Variants in SNAI1 observed in about 807,000 individuals in gnomAD.
SNAI1 encodes the protein zinc finger protein SNAI1.
In SNAI1, 15 loss-of-function variants were observed where a neutral mutation model predicts 24.7. The observed-to-expected ratio is 0.61, with a 90% CI of 0.41 to 0.93. The LOEUF (loss-of-function observed/expected upper bound fraction) is 0.93, where lower values mean the gene tolerates loss of function less well. Ranked by LOEUF, SNAI1 falls within the 40% of genes least tolerant of loss-of-function variation. SNAI1 has a pLI of 0.00. For synonymous variants in SNAI1, 163 were observed against 142.9 expected, an observed-to-expected ratio of 1.14 and a Z score of -1.00; for missense variants, 283 against 336.7, an observed-to-expected ratio of 0.84 and a Z score of 1.25.
In SNAI1 at chr20:49,984,049, C is replaced by A. The variant is rs969500219; in HGVS notation, c.308C>A (p.Pro103His). The change falls in exon 2 of 3, where the codon CCC becomes CAC. Residue 103 changes from proline to histidine, a missense_variant. Transcript: ENST00000244050. ...DEDSGKGSQP[P>H]SPPSPAPSSF... Reference sequence around the variant, plus strand: ...GACAGTGGGAAAGGCTCCCAGCCCCCCAGCCCACCCTCACCGGCTCCTTCG... The same window carrying A: ...GACAGTGGGAAAGGCTCCCAGCCCCACAGCCCACCCTCACCGGCTCCTTCG... 1 of 1,613,900 alleles carries A rather than the reference C, an allele frequency of 6.2e-7. No homozygotes were observed. Among genetic ancestry groups the A allele is most frequent in the Admixed American group, 1.7e-5 (1 of 59,986 alleles).
intron 1 of SNAI1, among the ~76,000 whole-genome samples, chr20:49,983,549 G>C (rs1937019711): frequency 6.6e-6 from 1 of 151,672 alleles, no homozygotes; most frequent in Non-Finnish European, 1.5e-5. Context: ...TCCGGGGCTG[G>C]GATGATGGGG....
rs4647958 is a variant in SNAI1 at position 49,984,094 on chromosome 20, T to G, written c.353T>G (p.Val118Gly). The G allele has an allele frequency of 6.2e-7, 1 of 1,614,074 alleles. No homozygotes were observed. The highest frequency in any genetic ancestry group is 1.1e-5 in the South Asian group (1 of 91,086). The change falls in exon 2 of 3, where the codon GTC (valine) becomes GGC (glycine). Residue 118 changes from valine (V) to glycine (G), a missense_variant. By Grantham distance (109) the Val-to-Gly change is moderately radical (BLOSUM62 -3). Transcript: ENST00000244050. The stretch of plus-strand genomic sequence containing the variant: ...CCTTCGTCCTTCTCCTCTACTTCAG[T>G]CTCTTCCTTGGAGGCCGAGGCCTAT... ...PAPSSFSSTS[V>G]SSLEAEAYAA...
chr20:49,983,888 C>G lies in SNAI1; in HGVS notation c.147C>G (p.Ile49Met), dbSNP rs772242378. The change falls in exon 2 of 3, where the codon ATC becomes ATG. Residue 49 changes from isoleucine (I) to methionine (M), a missense_variant. Transcript: ENST00000244050. The part of the protein sequence containing the change: ...HLLAAIPPPE[I>M]LNPTASLPML... ...TGGCAGCCATCCCACCTCCGGAGAT[C>G]CTCAACCCCACCGCCTCGCTGCCAA... 1.2e-6 allele frequency: 2 copies of G among 1,613,032 alleles called. No individual in the cohort carries two copies.
chr20:49,987,263 T>C (rs2078336794), intron 2 of SNAI1, among the ~76,000 whole-genome samples: 1 of 151,972 alleles, frequency 6.6e-6, no homozygotes, highest in South Asian at 2.1e-4. Context: ...CCTAACCAGC[T>C]TGGAGGTGGG....
chr20:49,984,284 C>T lies in SNAI1; in HGVS notation c.543C>T (p.Val181=), dbSNP rs766857877. The T allele has an allele frequency of 6.2e-7, 1 of 1,613,772 alleles. No homozygotes were observed. Among genetic ancestry groups the T allele is most frequent in the South Asian group, 1.1e-5 (1 of 91,028 alleles). The change falls in exon 2 of 3, where the codon GTC becomes GTT. Residue 181 remains valine, a synonymous_variant. Transcript: ENST00000244050. ...TCCGAAGCCACACGCTGCCCTGCGT[C>T]TGCGGAACCTGCGGGAAGGCCTTCT... ...MHIRSHTLPC[V]CGTCGKAFSR...
In SNAI1 at chr20:49,982,986, C is replaced by T. The variant is rs1421200079; in HGVS notation, c.-74C>T. 6.5e-5 allele frequency: 63 copies of T among 972,048 alleles called. No homozygotes were observed. Among genetic ancestry groups the T allele is most frequent in the African/African-American group, 8.4e-5 (5 of 59,806 alleles). 60.2% of individuals were successfully genotyped at this position (972,048 alleles called of 1,614,324 possible). On this transcript the variant is annotated 5_prime_UTR_variant, in exon 1 of 3. Transcript: ENST00000244050. The stretch of plus-strand genomic sequence containing the variant: ...TGGCGGCGCTGCTGCATTCATTGCG[C>T]CGCGGCACGGCCTAGCGAGTGGTTC...
intron 2 of SNAI1, among the ~76,000 whole-genome samples, chr20:49,986,847 CATT>C (rs1363578742): frequency 6.7e-6 from 1 of 149,704 alleles, no homozygotes; most frequent in African/African-American, 2.5e-5. Flanking sequence ...AACAAATCAA[CATT>C]ATTGGTGTTT....
At chr20:49,985,736 G>A (rs2078331897) in intron 2 of SNAI1, among the ~76,000 whole-genome samples, 1 of 152,340 alleles carries the variant, frequency 6.6e-6, no homozygotes, top group Middle Eastern at 3.4e-3. Context: ...GCGGTGCCCA[G>A]CACCTGTTCC....
At position 49,987,993 on chromosome 20, in the gene SNAI1, C is replaced by T; in HGVS notation, c.732C>T (p.Thr244=). Residue 244 remains threonine (T), a synonymous_variant, in exon 3 of 3, where the codon ACC becomes ACT. Coordinates refer to ENST00000244050, the MANE Select transcript of SNAI1 (RefSeq NM_005985.4). ...KKYQCQACAR[T]FSRMSLLHKH... ...ACCAGTGCCAGGCGTGTGCTCGGAC[C>T]TTCTCCCGAATGTCCCTGCTCCACA... 6.2e-7 allele frequency: 1 copy of T among 1,613,874 alleles called. No individual in the cohort carries two copies. Among genetic ancestry groups the T allele is most frequent in the South Asian group, 1.1e-5 (1 of 91,068 alleles).
intron 2 of SNAI1, among the ~76,000 whole-genome samples, chr20:49,984,873 C>T (rs1470176813): frequency 2.6e-5 from 4 of 152,348 alleles, no homozygotes; most frequent in African/African-American, 7.2e-5. Flanking sequence ...ATGGGAAGCA[C>T]CTGGCAAAGT....
At position 49,988,720 on chromosome 20, in the gene SNAI1, A is replaced by C. The variant is rs2078342610; in HGVS notation, c.*664A>C. ...CTCTGGTCTGACCGATGTGTCTCCCAGAACTATTCTGGGGGCCCGACAGGT... is the reference window on the plus strand; with the variant it reads ...CTCTGGTCTGACCGATGTGTCTCCCCGAACTATTCTGGGGGCCCGACAGGT... On this transcript the variant is annotated 3_prime_UTR_variant, in exon 3 of 3. Coordinates refer to ENST00000244050, the MANE Select transcript of SNAI1 (RefSeq NM_005985.4). The C allele has an allele frequency of 6.6e-6, 1 of 152,634 alleles. No homozygotes were observed. The highest frequency in any genetic ancestry group is 2.4e-5 in the African/African-American group (1 of 41,462). The allele number at this position is 152,634 out of a possible 1,614,324, so 9.5% of individuals were successfully genotyped here.
chr20:49,983,467 G>C (rs2078323254), intron 1 of SNAI1, among the ~76,000 whole-genome samples: 1 of 149,086 alleles, frequency 6.7e-6, no homozygotes, highest in Non-Finnish European at 1.5e-5. Flanking sequence ...AGAGTCCGGA[G>C]TCCAGAGGGT....
rs369249893 is a variant in SNAI1, at chr20:49,983,131, C to T, written c.72C>T (p.Asp24=). Residue 24 remains aspartate, a synonymous_variant, in exon 1 of 3, where the codon GAC becomes GAT. Transcript: ENST00000244050. ...AGCCTAACTACAGCGAGCTGCAGGA[C>T]TCTAATCCAGGTGCGTTGGAGGGGT... is the stretch of plus-strand genomic sequence containing the variant. ...NRKPNYSELQ[D]SNPEFTFQQP... 7.4e-6 allele frequency: 12 copies of T among 1,613,238 alleles called. No individual in the cohort carries two copies. Among genetic ancestry groups the T allele is most frequent in the Non-Finnish European group, 1.0e-5 (12 of 1,179,552 alleles).
chr20:49,983,695 T>C lies in SNAI1; in HGVS notation c.83-129T>C. On this transcript the variant is annotated intron_variant, in intron 1 of 2. Transcript: ENST00000244050. ...GAGGGCAGGAACCTGGTCTGTCCTG[T>C]GGATAATTTTTTTGATCTAATTATG... 3 of 920,862 alleles carry C rather than the reference T, an allele frequency of 3.3e-6. No individual in the cohort carries two copies. In the South Asian group the frequency reaches 5.1e-5, roughly 16 times the overall value. 57.0% of individuals were successfully genotyped at this position (920,862 alleles called of 1,614,324 possible). A position where few individuals can be genotyped will look rare whatever the true frequency, so the allele number is the denominator to read the frequency against.
intron 2 of SNAI1, among the ~76,000 whole-genome samples, chr20:49,985,408 C>T (rs1234331246): frequency 6.6e-6 from 1 of 152,104 alleles, no homozygotes; most frequent in Non-Finnish European, 1.5e-5. Flanking sequence ...GCATCTTATT[C>T]GACTAAGGCT....
intron 2 of SNAI1, 29 bp downstream of exon 2, chr20:49,984,380 T>C (rs771410883): frequency 6.5e-7 from 1 of 1,544,680 alleles, no homozygotes; most frequent in Non-Finnish European, 8.7e-7. Context: ...GCCCCCACCG[T>C]TGCTCTCTCT....
At chr20:49,986,717 C>T (rs958468807) in intron 2 of SNAI1, among the ~76,000 whole-genome samples, 7 of 152,162 alleles carry the variant, frequency 4.6e-5, no homozygotes, top group African/African-American at 1.2e-4. Context: ...CTGCCTCACT[C>T]GGCCTCCCAG....
At position 49,983,092 on chromosome 20, in the gene SNAI1, C is replaced by T. The variant is rs377595441; in HGVS notation, c.33C>T (p.Ser11=). The change falls in exon 1 of 3, where the codon TCC becomes TCT. Residue 11 remains serine (S), a synonymous_variant. Transcript: ENST00000244050. MPRSFLVRKP[S]DPNRKPNYSE... ...GCTCTTTCCTCGTCAGGAAGCCCTC[C>T]GACCCCAATCGGAAGCCTAACTACA... The T allele has an allele frequency of 1.2e-6, 2 of 1,613,722 alleles. No individual in the cohort carries two copies. Among genetic ancestry groups the T allele is most frequent in the Admixed American group, 1.7e-5 (1 of 59,982 alleles).
In SNAI1 at chr20:49,984,001, A is replaced by G; in HGVS notation, c.260A>G (p.Glu87Gly). 6.2e-7 allele frequency: 1 copy of G among 1,613,518 alleles called. No individual in the cohort carries two copies. Among genetic ancestry groups the G allele is most frequent in the East Asian group, 2.2e-5 (1 of 44,842 alleles). ...CTCCAGGAGAGTCCCAGGGTGGCAG[A>G]GCTGACCTCCCTGTCAGATGAGGAC... ...LRLQESPRVAELTSLSDEDSG... is the reference protein window; with the variant it reads ...LRLQESPRVAGLTSLSDEDSG... The change falls in exon 2 of 3, where the codon GAG (glutamate) becomes GGG (glycine). Residue 87 changes from glutamate to glycine, a missense_variant. Glu to Gly is a moderately conservative substitution (Grantham distance 98). Coordinates refer to ENST00000244050, the MANE Select transcript of SNAI1 (RefSeq NM_005985.4).
Sources: allele counts gnomAD v4.1 joint callset (sites outside exome capture counted in the v4.1 genomes callset), GRCh38; gene constraint gnomAD v4.1.1; transcripts MANE v1.5; gene names NCBI Gene and HGNC (gene_info 2026-07-23, HGNC 2026-07-21).